Variants in VPS13D observed in about 807,000 individuals in gnomAD.
VPS13D encodes the protein vacuolar protein sorting 13 homolog D.
Under a neutral mutation model 461.9 loss-of-function variants are expected in VPS13D, and 187 were observed. The ratio of observed to expected loss-of-function variants is 0.40; its 90% confidence interval spans 0.36 to 0.46. VPS13D has a LOEUF of 0.46. VPS13D is among the 20% of genes least tolerant of loss of function. VPS13D has a pLI of 0.60. For synonymous variants in VPS13D, 1,951 were observed against 1,986.3 expected, an observed-to-expected ratio of 0.98 and a Z score of 0.47; for missense variants, 4,711 against 5,364.9, an observed-to-expected ratio of 0.88 and a Z score of 3.81.
intron 55 of VPS13D, among the ~76,000 whole-genome samples, chr1:12,374,824 G>A (rs983113505): frequency 2.6e-5 from 4 of 152,132 alleles, no homozygotes; most frequent in Non-Finnish European, 5.9e-5. Flanking sequence ...TACAACCTCT[G>A]CCTCCTGGGT....
intron 46 of VPS13D, among the ~76,000 whole-genome samples, chr1:12,352,106 AT>A (rs1643809728): frequency 6.6e-6 from 1 of 151,780 alleles, no homozygotes; most frequent in African/African-American, 2.4e-5. Context: ...CCTGGCCAAT[AT>A]GGTGAAACTC....
Position 12,279,489 on chromosome 1 carries a change from T to C in VPS13D, c.4451-10T>C, listed in dbSNP as rs1463572630. The C allele has an allele frequency of 1.3e-6, 2 of 1,585,458 alleles. No homozygotes were observed. Among genetic ancestry groups the C allele is most frequent in the East Asian group, 4.5e-5 (2 of 44,536 alleles). On this transcript the variant is annotated splice_polypyrimidine_tract_variant and intron_variant, in intron 19 of 69. Transcript: ENST00000620676. The surrounding 1 kb of genome is among the most constrained non-coding windows in gnomAD (Gnocchi z 4.3). ...GTTTATGGTCTATCATTTCATCTCT[T>C]TTATGCCAGCTTTTCACATCCTGAA...
Position 12,345,463 on chromosome 1 carries a change from C to T in VPS13D, c.8975C>T (p.Thr2992Ile), listed in dbSNP as rs1475103621. 6.2e-7 allele frequency: 1 copy of T among 1,613,654 alleles called. No individual in the cohort carries two copies. The highest frequency in any genetic ancestry group is 8.5e-7 in the Non-Finnish European group (1 of 1,179,732). Reference sequence around the variant, plus strand: ...CCAGTGTCTGTGGACAAAGTCGGGACCTTTTTTCGATATGCAGCACCAGAT... The same window carrying T: ...CCAGTGTCTGTGGACAAAGTCGGGATCTTTTTTCGATATGCAGCACCAGAT... ...VSPVSVDKVGTFFRYAAPDKN... is the reference protein window; with the variant it reads ...VSPVSVDKVGIFFRYAAPDKN... Residue 2992 changes from threonine to isoleucine, a missense_variant, in exon 43 of 70, where the codon ACC becomes ATC. Physicochemically the swap from Thr to Ile is moderately conservative, Grantham distance 89. Coordinates refer to ENST00000620676, the MANE Select transcript of VPS13D (RefSeq NM_015378.4).
At chr1:12,408,096 T>A (rs1241677824) in intron 63 of VPS13D, among the ~76,000 whole-genome samples, 1 of 152,178 alleles carries the variant, frequency 6.6e-6, no homozygotes, top group African/African-American at 2.4e-5. Flanking sequence ...TAAGGCCTGC[T>A]CACGTACTTT....
intron 43 of VPS13D, among the ~76,000 whole-genome samples, chr1:12,346,338 A>G (rs1158955290): frequency 6.6e-6 from 1 of 152,218 alleles, no homozygotes; most frequent in Non-Finnish European, 1.5e-5. Flanking sequence ...GTTTATGTCT[A>G]GTAATGACAG....
Position 12,349,392 on chromosome 1 carries a change from A to G in VPS13D, c.9431+18A>G. The G allele has an allele frequency of 6.2e-7, 1 of 1,610,546 alleles. No individual in the cohort carries two copies. Among genetic ancestry groups the G allele is most frequent in the Non-Finnish European group, 8.5e-7 (1 of 1,178,154 alleles). On this transcript the variant is annotated intron_variant, in intron 46 of 69. Transcript: ENST00000620676. ...TTTTTCAGGTATGTAGCACCACTGCAGTGACATGTCACTTTTGCCTTTTTT... is the reference window on the plus strand; with the variant it reads ...TTTTTCAGGTATGTAGCACCACTGCGGTGACATGTCACTTTTGCCTTTTTT...
At chr1:12,361,396 T>TTTTA (rs1307050198) in intron 50 of VPS13D, among the ~76,000 whole-genome samples, 1 of 131,360 alleles carries the variant, frequency 7.6e-6, no homozygotes, top group Admixed American at 7.2e-5. Flanking sequence ...TATTTATTTA[T>TTTTA]TTATTTATTT....
At chr1:12,323,561 C>T (rs762217606) in intron 34 of VPS13D, 145 bp from the exon 35 acceptor site, 1 of 661,376 alleles carries the variant, frequency 1.5e-6, no homozygotes, top group Non-Finnish European at 2.5e-6. Flanking sequence ...TGATAGAATT[C>T]TCCAATTAGG....
At chr1:12,468,770 C>T (rs1424486760) in intron 67 of VPS13D, among the ~76,000 whole-genome samples, 5 of 152,318 alleles carry the variant, frequency 3.3e-5, no homozygotes, top group South Asian at 2.1e-4. Context: ...CGGTGGCTCA[C>T]GCCTGTAATC....
At position 12,334,867 on chromosome 1, in the gene VPS13D, T is replaced by C. The variant is rs190012175; in HGVS notation, c.8429-838T>C. Among the ~76,000 whole-genome samples the C allele has an allele frequency of 2.0e-5, 3 of 152,342 alleles. No individual in the cohort carries two copies. The East Asian group carries it at 5.8e-4, about 29-fold the overall frequency. On this transcript the variant is annotated intron_variant, in intron 38 of 69. Transcript: ENST00000620676. ...CAATTCCTTGTTCCGAATACTATAC[T>C]GAAACCCAGAAACGTAGCTATGACC...
intron 57 of VPS13D, among the ~76,000 whole-genome samples, chr1:12,381,882 AAGTC>A (rs544920661): frequency 5.4e-4 from 82 of 151,792 alleles, no homozygotes; most frequent in East Asian, 2.3e-3. Context: ...AATTCGGCTG[AAGTC>A]AGTCAGTCTG....
At chr1:12,373,159 C>T (rs542217671) in intron 54 of VPS13D, among the ~76,000 whole-genome samples, 116 of 116,072 alleles carry the variant, frequency 1.0e-3, no homozygotes, top group Admixed American at 6.2e-3. Context: ...CTCATTCTGT[C>T]ACCCAGGCTA....
rs773501645 is a variant in VPS13D, at chr1:12,260,938, AT to A, written c.1213-8del. 1 of 1,613,884 alleles carries A rather than the reference AT, an allele frequency of 6.2e-7. No homozygotes were observed. The highest frequency in any genetic ancestry group is 8.5e-7 in the Non-Finnish European group (1 of 1,179,988). On this transcript the variant is annotated splice_polypyrimidine_tract_variant and intron_variant, in intron 11 of 69. Transcript: ENST00000620676. ...GAGTACTCATCTCTGCTCCTTTGTG[AT>A]TGACACAGAGTCTGCGGGAGCCTCA...
At position 12,348,899 on chromosome 1, in the gene VPS13D, G is replaced by T. The variant is rs370041638; in HGVS notation, c.9146G>T (p.Arg3049Leu). 2 of 1,614,016 alleles carry T rather than the reference G, an allele frequency of 1.2e-6. No individual in the cohort carries two copies. Among genetic ancestry groups the T allele is most frequent in the African/African-American group, 2.7e-5 (2 of 74,908 alleles). Residue 3049 changes from arginine (R) to leucine (L), a missense_variant, in exon 45 of 70, where the codon CGG becomes CTG. Coordinates refer to ENST00000620676, the MANE Select transcript of VPS13D (RefSeq NM_015378.4). ...EGSARKVITV[R>L]SALIVRNRLE... ...AGTGCACGGAAAGTCATCACTGTCC[G>T]GTCAGCCCTCATTGTGAGGAACAGA...
rs1197803131 is a variant in VPS13D at position 12,509,319 on chromosome 1, AT to A, written c.*296del. 10 of 339,372 alleles carry A rather than the reference AT, an allele frequency of 2.9e-5. No individual in the cohort carries two copies. The highest frequency in any genetic ancestry group is 5.4e-6 in the Non-Finnish European group (1 of 184,598). 21.0% of individuals were successfully genotyped at this position (339,372 alleles called of 1,614,324 possible). A position where few individuals can be genotyped will look rare whatever the true frequency, so the allele number is the denominator to read the frequency against. On this transcript the variant is annotated 3_prime_UTR_variant, in exon 70 of 70. Transcript: ENST00000620676. The stretch of plus-strand genomic sequence containing the variant: ...TTAGATTGCCCTGTATTTTGTTAAC[AT>A]GTATATATGTACAACAGTGTGTTTG...
intron 61 of VPS13D, among the ~76,000 whole-genome samples, chr1:12,400,980 A>ACACG (rs1428626097): frequency 6.7e-6 from 1 of 148,724 alleles, no homozygotes; most frequent in East Asian, 1.9e-4. Context: ...ACACACACAC[A>ACACG]CACACACACA....
At chr1:12,431,063 A>G (rs1035835183) in intron 65 of VPS13D, among the ~76,000 whole-genome samples, 1 of 152,248 alleles carries the variant, frequency 6.6e-6, no homozygotes, top group African/African-American at 2.4e-5. Context: ...AAAGGTAAAA[A>G]CATAACAGTG....
intron 50 of VPS13D, 34 bp from the exon 51 acceptor site, chr1:12,362,686 G>C (rs557402615): frequency 6.2e-7 from 1 of 1,605,830 alleles, no homozygotes; most frequent in African/African-American, 1.3e-5. Flanking sequence ...TCTCTTCATG[G>C]TTAACTCATA....
chr1:12,400,334 G>GGC lies in VPS13D; in HGVS notation c.11784+5_11784+6dup, dbSNP rs771645073. 17 of 1,613,718 alleles carry GGC rather than the reference G, an allele frequency of 1.1e-5. No individual in the cohort carries two copies. Among genetic ancestry groups the GGC allele is most frequent in the Non-Finnish European group, 1.4e-5 (16 of 1,179,930 alleles). On this transcript the variant is annotated splice_donor_region_variant and intron_variant, in intron 61 of 69. Coordinates refer to ENST00000620676, the MANE Select transcript of VPS13D (RefSeq NM_015378.4). ...TGCACTGACCAACATCTACAAGGTG[G>GGC]GCTGGTGGAGGAGGCTGGTGGGTTG...
Sources: gnomAD v4.1 joint callset for allele counts (sites outside exome capture counted in the v4.1 genomes callset) on GRCh38, gnomAD v4.1.1 for gene constraint, Gnocchi (gnomAD v3.1) non-coding constraint, MANE v1.5 for transcripts, NCBI Gene and HGNC (gene_info 2026-07-23, HGNC 2026-07-21) for gene names.